Variants in HSPBAP1 observed in about 807,000 individuals in gnomAD.
HSPBAP1 encodes the protein HSPB1 associated protein 1, also known as HSPB1-associated protein 1.
HSPBAP1 carries 27 observed loss-of-function variants against 45.2 expected under a neutral mutation model. That is an observed-to-expected ratio of 0.60 (90% CI 0.44 to 0.82). The LOEUF (loss-of-function observed/expected upper bound fraction) is 0.82. Ranked by LOEUF, HSPBAP1 falls within the 40% of genes least tolerant of loss-of-function variation. HSPBAP1 has a pLI of 0.00. For missense variants in HSPBAP1, 510 were observed against 590.9 expected (o/e 0.86, Z 1.42); for synonymous variants, 204 against 202.7 (o/e 1.01, Z -0.06).
In HSPBAP1 at chr3:122,740,292, C is replaced by A; in HGVS notation, c.*53G>T. ...GTTCATCTTTATTTTAGTCATACTA[C>A]TTAAAAATATATATTTAAAAAATAT... On this transcript the variant is annotated 3_prime_UTR_variant, in exon 8 of 8. Coordinates refer to ENST00000306103, the MANE Select transcript of HSPBAP1 (RefSeq NM_024610.6). 1 of 1,167,440 alleles carries A rather than the reference C, an allele frequency of 8.6e-7. No individual in the cohort carries two copies. The allele number at this position is 1,167,440 out of a possible 1,614,324, so 72.3% of individuals were successfully genotyped here.
rs527305159 is a variant in HSPBAP1 at position 122,746,407 on chromosome 3, T to A, written c.826-5294A>T. 2.4e-3 allele frequency among the ~76,000 whole-genome samples: 356 copies of A among 150,260 alleles called. 2 individuals are homozygous for A. The highest frequency in any genetic ancestry group is 8.0e-3 in the African/African-American group (327 of 40,804). On this transcript the variant is annotated intron_variant, in intron 6 of 7. Transcript: ENST00000306103. ...TGCAAAACAAAGCAATGGTCAGTCC[T>A]ACTGATGTTAAAACATAAGACCTCA...
chr3:122,775,235 G>A (rs1045312769), intron 2 of HSPBAP1, among the ~76,000 whole-genome samples: 2 of 151,988 alleles, frequency 1.3e-5, no homozygotes, highest in Admixed American at 6.6e-5. Flanking sequence ...TGGGACCTTT[G>A]CAAGTCATAT....
intron 6 of HSPBAP1, among the ~76,000 whole-genome samples, chr3:122,750,753 T>C (rs1934107763): frequency 6.6e-6 from 1 of 152,186 alleles, no homozygotes; most frequent in Non-Finnish European, 1.5e-5. Context: ...TGGGATATCT[T>C]CCTGTGCCAG....
At chr3:122,772,994 G>A (rs2107526818) in intron 2 of HSPBAP1, among the ~76,000 whole-genome samples, 1 of 152,058 alleles carries the variant, frequency 6.6e-6, no homozygotes, top group Non-Finnish European at 1.5e-5. Context: ...GACTACAGGT[G>A]TGCACCATCA....
At chr3:122,776,003 C>T (rs1935182172) in intron 2 of HSPBAP1, among the ~76,000 whole-genome samples, 1 of 152,094 alleles carries the variant, frequency 6.6e-6, no homozygotes, top group Non-Finnish European at 1.5e-5. Flanking sequence ...ATGAAAGAAG[C>T]CAGGCACAAA....
At chr3:122,741,217 G>T in intron 6 of HSPBAP1, 104 bp from the exon 7 acceptor site, 1 of 860,002 alleles carries the variant, frequency 1.2e-6, no homozygotes, top group Non-Finnish European at 1.9e-6. Context: ...ATTAATATAA[G>T]CTTTGTTATA....
intron 1 of HSPBAP1, chr3:122,786,548 A>G (rs1329668541): frequency 6.6e-6 from 1 of 152,266 alleles, no homozygotes; most frequent in Non-Finnish European, 1.5e-5. Context: ...CAAAAAAGCT[A>G]TAAAGAAGTA....
intron 3 of HSPBAP1, chr3:122,761,703 C>T (rs1050639946): frequency 6.8e-6 from 1 of 147,554 alleles, no homozygotes; most frequent in African/African-American, 2.5e-5. Context: ...GGGAGGATCA[C>T]TTGAGCTTGG....
At chr3:122,759,830 C>T (rs1934504337) in intron 3 of HSPBAP1, among the ~76,000 whole-genome samples, 1 of 152,172 alleles carries the variant, frequency 6.6e-6, no homozygotes, top group African/African-American at 2.4e-5. Context: ...GCCGTATTTC[C>T]TCTAAGCAGT....
intron 5 of HSPBAP1, chr3:122,754,221 A>T (rs1323600226): frequency 1.3e-5 from 2 of 152,778 alleles, no homozygotes; most frequent in Non-Finnish European, 2.9e-5. Context: ...AACAAAGCAG[A>T]AACAACCCAA....
intron 6 of HSPBAP1, among the ~76,000 whole-genome samples, chr3:122,750,549 ATCTAATCTATCT>A (rs1051310713): frequency 5.3e-5 from 8 of 151,040 alleles, no homozygotes; most frequent in African/African-American, 1.7e-4. Context: ...CTATCTATCT[ATCTAATCTATCT>A]ATCTATCTCA....
intron 1 of HSPBAP1, among the ~76,000 whole-genome samples, chr3:122,779,052 T>A (rs1935303907): frequency 6.7e-6 from 1 of 149,170 alleles, no homozygotes; most frequent in South Asian, 2.1e-4. Context: ...TTTTTTTTTG[T>A]GAGACAGAGT....
chr3:122,769,709 C>T (rs1934917977), intron 2 of HSPBAP1, among the ~76,000 whole-genome samples: 1 of 152,180 alleles, frequency 6.6e-6, no homozygotes, highest in South Asian at 2.1e-4. Context: ...GAGACAGGGT[C>T]TTGCTCATCA....
chr3:122,777,962 A>G, intron 1 of HSPBAP1, 56 bp from the exon 2 acceptor site: 1 of 1,154,632 alleles, frequency 8.7e-7, no homozygotes, highest in Non-Finnish European at 1.3e-6. Context: ...TTTTTCATAC[A>G]ATATGGAGAA....
At chr3:122,762,035 C>T (rs1173389442) in intron 3 of HSPBAP1, 1 of 152,034 alleles carries the variant, frequency 6.6e-6, no homozygotes, top group Non-Finnish European at 1.5e-5. Flanking sequence ...ATACATACCT[C>T]AAGAGTTGGA....
chr3:122,746,009 G>T (rs1472131155), intron 6 of HSPBAP1, among the ~76,000 whole-genome samples: 1 of 152,214 alleles, frequency 6.6e-6, no homozygotes, highest in Non-Finnish European at 1.5e-5. Context: ...GAACAGAAAA[G>T]TGTTGACTGA....
intron 1 of HSPBAP1, among the ~76,000 whole-genome samples, chr3:122,779,959 T>TC (rs547479923): frequency 6.6e-6 from 1 of 151,370 alleles, no homozygotes; most frequent in Admixed American, 6.6e-5. Context: ...TCCCCACCTT[T>TC]CCCCCCTTTC....
At chr3:122,788,797 G>A (rs1310959273) in intron 1 of HSPBAP1, among the ~76,000 whole-genome samples, 1 of 152,136 alleles carries the variant, frequency 6.6e-6, no homozygotes, top group Non-Finnish European at 1.5e-5. Context: ...TGGGGGAAGA[G>A]GAGAAAGGGA....
At chr3:122,767,440 G>A (rs958248130) in intron 3 of HSPBAP1, among the ~76,000 whole-genome samples, 3 of 152,078 alleles carry the variant, frequency 2.0e-5, no homozygotes, top group Non-Finnish European at 4.4e-5. Context: ...CTGGGGTCAG[G>A]GGGTGGGTGA....
Sources: allele counts gnomAD v4.1 joint callset (sites outside exome capture counted in the v4.1 genomes callset), GRCh38; gene constraint gnomAD v4.1.1; transcripts MANE v1.5; gene names NCBI Gene and HGNC (gene_info 2026-07-23, HGNC 2026-07-21).